The following EML1 variants were observed in gnomAD, a reference collection of about 807,000 sequenced individuals.
EML1 encodes the protein EMAP like 1, also known as echinoderm microtubule-associated protein-like 1.
EML1 carries 27 observed loss-of-function variants against 110.4 expected under a neutral mutation model. That is an observed-to-expected ratio of 0.24 (90% CI 0.18 to 0.34). The LOEUF (loss-of-function observed/expected upper bound fraction) is 0.34, where lower values mean the gene tolerates loss of function less well. Ranked by LOEUF, EML1 falls within the 10% of genes least tolerant of loss-of-function variation. The probability of loss-of-function intolerance (pLI) is 1.00; values close to 1 mark genes in which losing one functional copy is unlikely to be tolerated. For synonymous variants in EML1, 344 were observed against 385.8 expected, an observed-to-expected ratio of 0.89 and a Z score of 1.27; for missense variants, 741 against 1,030.9, an observed-to-expected ratio of 0.72 and a Z score of 3.85.
At chr14:99,889,598 G>A (rs1053268418) in intron 4 of EML1, among the ~76,000 whole-genome samples, 6 of 152,310 alleles carry the variant, frequency 3.9e-5, no homozygotes, top group East Asian at 3.9e-4. Flanking sequence ...GAATCCGTAC[G>A]CACGGCTACA....
chr14:99,814,921 C>T (rs2058142003), intron 1 of EML1, among the ~76,000 whole-genome samples: 1 of 152,022 alleles, frequency 6.6e-6, no homozygotes, highest in African/African-American at 2.4e-5. Flanking sequence ...GTTGGATTAC[C>T]TTGGATTTAC....
intron 1 of EML1, among the ~76,000 whole-genome samples, chr14:99,745,640 G>A (rs2057099835): frequency 6.6e-6 from 1 of 152,208 alleles, no homozygotes; most frequent in Non-Finnish European, 1.5e-5. Context: ...CGTTTGGGGG[G>A]TCAGACATTC....
intron 1 of EML1, among the ~76,000 whole-genome samples, chr14:99,739,321 G>C (rs2057014182): frequency 6.6e-6 from 1 of 152,124 alleles, no homozygotes; most frequent in Non-Finnish European, 1.5e-5. Flanking sequence ...ACCCGGAATA[G>C]CTCTCCCTCT....
intron 17 of EML1, among the ~76,000 whole-genome samples, chr14:99,928,467 C>T (rs1241333893): frequency 6.6e-6 from 1 of 151,814 alleles, no homozygotes; most frequent in South Asian, 2.1e-4. Flanking sequence ...CTTCCTTTTT[C>T]ATCTGAAGGG....
upstream of EML1, among the ~76,000 whole-genome samples, chr14:99,790,674 T>C (rs1321903151): frequency 2.6e-5 from 4 of 152,110 alleles, no homozygotes; most frequent in Non-Finnish European, 2.9e-5. Context: ...ATGAGGAAGA[T>C]GAAATGTGCA....
intron 1 of EML1, among the ~76,000 whole-genome samples, chr14:99,816,212 G>A (rs572145710): frequency 1.5e-4 from 23 of 152,316 alleles, no homozygotes; most frequent in African/African-American, 5.5e-4. Context: ...CGCCCAGGCT[G>A]CAGTGCAGTG....
At position 99,800,250 on chromosome 14, in the gene EML1, G is replaced by A. The variant is rs375430105; in HGVS notation, c.67+6707G>A. 1.7e-4 allele frequency among the ~76,000 whole-genome samples: 26 copies of A among 152,264 alleles called. 1 individual carries two copies. The highest frequency in any genetic ancestry group is 4.6e-4 in the African/African-American group (19 of 41,550). On this transcript the variant is annotated intron_variant, in intron 1 of 21. Coordinates refer to ENST00000262233, the MANE Select transcript of EML1 (RefSeq NM_004434.3). ...ATCTGGCCCAGGACTGGGGGTGTGC[G>A]AAGGTGTCAGCAGGAGCAAGTGCAT... is the stretch of plus-strand genomic sequence containing the variant.
chr14:99,765,756 C>T (rs1216997491), intron 1 of EML1, among the ~76,000 whole-genome samples: 1 of 152,048 alleles, frequency 6.6e-6, no homozygotes, highest in Admixed American at 6.6e-5. Flanking sequence ...AGGCGTGCAC[C>T]ACCACGCCTG....
At chr14:99,802,293 G>A (rs1042439767) in intron 1 of EML1, among the ~76,000 whole-genome samples, 1 of 152,148 alleles carries the variant, frequency 6.6e-6, no homozygotes, top group Non-Finnish European at 1.5e-5. Flanking sequence ...TAAGGAGTTT[G>A]GTCTTCTTCC....
intron 17 of EML1, among the ~76,000 whole-genome samples, chr14:99,924,563 T>C (rs940897912): frequency 2.6e-5 from 4 of 152,262 alleles, no homozygotes; most frequent in Non-Finnish European, 5.9e-5. Flanking sequence ...TTCAGAATAC[T>C]GTATTATACG....
intron 12 of EML1, 83 bp from the exon 13 acceptor site, chr14:99,911,339 A>C (rs1192284543): frequency 1.4e-6 from 2 of 1,481,456 alleles, no homozygotes; most frequent in East Asian, 4.9e-5. Context: ...TTGCGTTTTA[A>C]AACCTAAGTC....
chr14:99,793,469 G>A lies in EML1; in HGVS notation c.-8G>A, dbSNP rs1420018433. ...GCCGGGGAGCGGGCGCGGCCCGGCG[G>A]CCTCAGCATGGAGGACGGCTTCTCC... On this transcript the variant is annotated 5_prime_UTR_variant, in exon 1 of 22. Coordinates refer to ENST00000262233, the MANE Select transcript of EML1 (RefSeq NM_004434.3). The A allele has an allele frequency of 1.1e-4, 111 of 1,047,454 alleles. 1 individual carries two copies. Among genetic ancestry groups the A allele is most frequent in the Non-Finnish European group, 1.2e-4 (105 of 868,242 alleles). The allele number at this position is 1,047,454 out of a possible 1,614,324, so 64.9% of individuals were successfully genotyped here. A position where few individuals can be genotyped will look rare whatever the true frequency, so the allele number is the denominator to read the frequency against.
chr14:99,770,045 G>A (rs185815150), upstream of EML1, among the ~76,000 whole-genome samples: 24 of 152,216 alleles, frequency 1.6e-4, no homozygotes, highest in African/African-American at 4.8e-4. Context: ...CTTGTCCACC[G>A]GGTTTTGATG....
At chr14:99,765,516 T>C (rs901240799) in intron 1 of EML1, among the ~76,000 whole-genome samples, 1 of 152,206 alleles carries the variant, frequency 6.6e-6, no homozygotes, top group African/African-American at 2.4e-5. Context: ...TTATATATCC[T>C]CAAGTCAAGG....
chr14:99,868,451 C>G (rs2059139179), intron 3 of EML1, among the ~76,000 whole-genome samples: 1 of 152,066 alleles, frequency 6.6e-6, no homozygotes, highest in South Asian at 2.1e-4. Context: ...CTGGACTTTT[C>G]TTTGTTGGGA....
upstream of EML1, among the ~76,000 whole-genome samples, chr14:99,789,970 A>G (rs1024915914): frequency 6.6e-6 from 1 of 152,200 alleles, no homozygotes; most frequent in African/African-American, 2.4e-5. Context: ...TTCCCCAAAG[A>G]TCTTTTTTAA....
At chr14:99,754,710 A>G (rs1450943583) in intron 1 of EML1, among the ~76,000 whole-genome samples, 1 of 152,194 alleles carries the variant, frequency 6.6e-6, no homozygotes, top group Non-Finnish European at 1.5e-5. Context: ...AAAGCCCTCT[A>G]CCAGCTGCGT....
rs567301688 is a variant in EML1, at chr14:99,883,682, T to G, written c.518+5063T>G. The G allele has an allele frequency of 5.9e-5, 9 of 152,342 alleles. No individual in the cohort carries two copies. The East Asian group carries it at 1.7e-3, about 29-fold the overall frequency. The allele number at this position is 152,342 out of a possible 1,614,324, so 9.4% of individuals were successfully genotyped here. A position where few individuals can be genotyped will look rare whatever the true frequency, so the allele number is the denominator to read the frequency against. ...TGCTGTATGAGTGTAGTGTATAATT[T>G]TGACATAAATGCCATTCTTGTGCAT... On this transcript the variant is annotated intron_variant, in intron 4 of 21. Coordinates refer to ENST00000262233, the MANE Select transcript of EML1 (RefSeq NM_004434.3).
At chr14:99,868,960 G>T (rs2139897476) in intron 3 of EML1, among the ~76,000 whole-genome samples, 1 of 152,182 alleles carries the variant, frequency 6.6e-6, no homozygotes, top group Non-Finnish European at 1.5e-5. Context: ...TTCCCTCTTA[G>T]TACCCCTTTC....
Sources: gnomAD v4.1 joint callset for allele counts (sites outside exome capture counted in the v4.1 genomes callset) on GRCh38, gnomAD v4.1.1 for gene constraint, MANE v1.5 for transcripts, NCBI Gene and HGNC (gene_info 2026-07-23, HGNC 2026-07-21) for gene names.